Variants in NFIB observed in about 807,000 individuals in gnomAD.
NFIB encodes nuclear factor 1 B-type.
Under a neutral mutation model 61.5 loss-of-function variants are expected in NFIB, and 11 were observed. That is an observed-to-expected ratio of 0.18 (90% CI 0.11 to 0.30). The LOEUF (loss-of-function observed/expected upper bound fraction) is 0.30. NFIB is among the 10% of genes least tolerant of loss of function. The pLI is 1.00. For synonymous variants in NFIB, 260 were observed against 216.5 expected (o/e 1.20, Z -1.76); for missense variants, 471 against 608.9 (o/e 0.77, Z 2.38).
intron 2 of NFIB, among the ~76,000 whole-genome samples, chr9:14,246,716 T>G (rs2054970975): frequency 1.3e-5 from 2 of 152,190 alleles, no homozygotes; most frequent in South Asian, 4.1e-4. Context: ...TTGGTGCCAC[T>G]GACAGTGCTA....
chr9:14,490,661 A>G, the NFIB span, among the ~76,000 whole-genome samples: 1 of 152,214 alleles, frequency 6.6e-6, no homozygotes, highest in Non-Finnish European at 1.5e-5. Flanking sequence ...ATTTCACAGC[A>G]GAGACAATGT....
At position 14,122,773 on chromosome 9, in the gene NFIB, TGGA is replaced by T. The variant is rs1420515156; in HGVS notation, c.1061-2152_1061-2150del. Among the ~76,000 whole-genome samples the T allele has an allele frequency of 3.3e-5, 5 of 152,274 alleles. No homozygotes were observed. In the East Asian group the frequency reaches 9.7e-4, roughly 29 times the overall value. ...GAGATTAATTTGGCCTTAATAGTTC[TGGA>T]GGAGATCTATTTTCAAGTGAAATTG... On this transcript the variant is annotated intron_variant, in intron 7 of 10. Coordinates refer to ENST00000380953, the MANE Select transcript of NFIB (RefSeq NM_001190737.2).
chr9:14,508,283 G>A, the NFIB span, among the ~76,000 whole-genome samples: 1 of 152,068 alleles, frequency 6.6e-6, no homozygotes, highest in South Asian at 2.1e-4. Flanking sequence ...ACCTTCCATA[G>A]CAGGAGCAGC....
At chr9:14,131,795 C>T (rs759264075) in intron 6 of NFIB, among the ~76,000 whole-genome samples, 23 of 152,126 alleles carry the variant, frequency 1.5e-4, no homozygotes, top group Non-Finnish European at 2.8e-4. Flanking sequence ...TCATCCAAGT[C>T]GCTCCCGGGA....
intron 1 of NFIB, among the ~76,000 whole-genome samples, chr9:14,388,711 G>C (rs2061584594): frequency 6.6e-6 from 1 of 152,160 alleles, no homozygotes; most frequent in Non-Finnish European, 1.5e-5. Context: ...AGTGGGATTT[G>C]ATAGTGGATG....
At chr9:14,500,694 G>C in the NFIB span, among the ~76,000 whole-genome samples, 1 of 152,178 alleles carries the variant, frequency 6.6e-6, no homozygotes, top group Admixed American at 6.5e-5. Context: ...TGAATGAATG[G>C]ATGAGTGAAT....
At chr9:14,131,999 A>T (rs1234772347) in intron 6 of NFIB, among the ~76,000 whole-genome samples, 1 of 152,158 alleles carries the variant, frequency 6.6e-6, no homozygotes, top group Non-Finnish European at 1.5e-5. Context: ...TACAAATCAG[A>T]CTACTAAAGC....
At chr9:14,215,341 T>A (rs1402330618) in intron 2 of NFIB, among the ~76,000 whole-genome samples, 1 of 150,360 alleles carries the variant, frequency 6.7e-6, no homozygotes, top group African/African-American at 2.5e-5. Flanking sequence ...TGAAAAGCAG[T>A]GAAAATGAAA....
chr9:14,204,434 T>C (rs1220448148), intron 2 of NFIB: 11 of 1,136,230 alleles, frequency 9.7e-6, no homozygotes, highest in South Asian at 7.3e-5. Flanking sequence ...CTATAGCAGG[T>C]TGCAGCGGCA....
In NFIB at chr9:14,307,648, T is replaced by C. The variant is rs1027746580; in HGVS notation, c.31-128A>G. 1.3e-4 allele frequency: 113 copies of C among 891,402 alleles called. No individual in the cohort carries two copies. The African/African-American group carries it at 1.7e-3, about 13-fold the overall frequency. 55.2% of individuals were successfully genotyped at this position (891,402 alleles called of 1,614,324 possible). ...CAAAAAGTTATACATGAAAATAACATTCCTTTCTTATTTAAAATTATCAAA... is the reference window on the plus strand; with the variant it reads ...CAAAAAGTTATACATGAAAATAACACTCCTTTCTTATTTAAAATTATCAAA... On this transcript the variant is annotated intron_variant, in intron 1 of 10. Transcript: ENST00000380953. This position sits in a 1 kb window ranked among gnomAD's most constrained non-coding sequence, Gnocchi z 5.3.
intron 2 of NFIB, among the ~76,000 whole-genome samples, chr9:14,191,442 G>C (rs2047938132): frequency 6.6e-6 from 1 of 152,086 alleles, no homozygotes; most frequent in Non-Finnish European, 1.5e-5. Flanking sequence ...TTGGGAAATG[G>C]GAAAATAAAT....
intron 3 of NFIB, among the ~76,000 whole-genome samples, chr9:14,170,934 A>C (rs1252062828): frequency 6.6e-6 from 1 of 152,188 alleles, no homozygotes; most frequent in Non-Finnish European, 1.5e-5. Flanking sequence ...AATATATTAA[A>C]ATTTTACTTG....
intron 2 of NFIB, among the ~76,000 whole-genome samples, chr9:14,283,690 A>T (rs2058527109): frequency 6.6e-6 from 1 of 152,202 alleles, no homozygotes; most frequent in African/African-American, 2.4e-5. Flanking sequence ...CACGTTAGGG[A>T]GCAAATATAT....
chr9:14,259,597 C>T (rs1407138832), intron 2 of NFIB, among the ~76,000 whole-genome samples: 1 of 152,106 alleles, frequency 6.6e-6, no homozygotes, highest in Non-Finnish European at 1.5e-5. Context: ...TTGGCAGGAT[C>T]TTCTGTTTAA....
At chr9:14,155,968 AGT>A in intron 3 of NFIB, 75 bp from the exon 4 acceptor site, 1 of 886,696 alleles carries the variant, frequency 1.1e-6, no homozygotes, top group Non-Finnish European at 1.7e-6. Flanking sequence ...CTAGAATTTA[AGT>A]GTTTTAAAGC....
intron 2 of NFIB, among the ~76,000 whole-genome samples, chr9:14,226,184 T>C (rs2131879934): frequency 6.6e-6 from 1 of 152,258 alleles, no homozygotes; most frequent in East Asian, 1.9e-4. Context: ...ATCTCCCTTT[T>C]AACAAGCTAA....
chr9:14,419,717 G>T, the NFIB span, among the ~76,000 whole-genome samples: 1 of 152,024 alleles, frequency 6.6e-6, no homozygotes, highest in Admixed American at 6.5e-5. Context: ...TTTTCTGGAG[G>T]TATCCACAAC....
At chr9:14,398,615 A>G (rs946287209) in exon 1 of NFIB, 15 of 1,531,214 alleles carry the variant, frequency 9.8e-6, no homozygotes, top group African/African-American at 4.1e-5. Context: ...GTCCACAGAC[A>G]CTGGGATTCT....
At chr9:14,369,853 C>A (rs1202282901) in intron 1 of NFIB, among the ~76,000 whole-genome samples, 4 of 152,204 alleles carry the variant, frequency 2.6e-5, no homozygotes, top group African/African-American at 9.7e-5. Context: ...TCAGTCCCTT[C>A]CATCACCAGC....
Sources: gnomAD v4.1 joint callset for allele counts (sites outside exome capture counted in the v4.1 genomes callset) on GRCh38, gnomAD v4.1.1 for gene constraint, Gnocchi (gnomAD v3.1) non-coding constraint, MANE v1.5 for transcripts, NCBI Gene and HGNC (gene_info 2026-07-23, HGNC 2026-07-21) for gene names.